The following SNX16 variants were observed in gnomAD, a reference collection of about 807,000 sequenced individuals.
The protein encoded by SNX16 is sorting nexin 16.
In SNX16, 35 loss-of-function variants were observed where a neutral mutation model predicts 36.7. That is an observed-to-expected ratio of 0.95 (90% CI 0.73 to 1.27). The LOEUF (loss-of-function observed/expected upper bound fraction) is 1.27. Ranked by LOEUF, SNX16 falls within the 50% of genes most tolerant of loss-of-function variation. SNX16 has a pLI of 0.00. For synonymous variants in SNX16, 134 were observed against 132.0 expected, an observed-to-expected ratio of 1.02 and a Z score of -0.10; for missense variants, 367 against 393.6, an observed-to-expected ratio of 0.93 and a Z score of 0.57.
In SNX16 at chr8:81,801,613, A is replaced by AG; in HGVS notation, c.939-21dup. 1 of 1,344,108 alleles carries AG rather than the reference A, an allele frequency of 7.4e-7. No homozygotes were observed. 83.3% of individuals were successfully genotyped at this position (1,344,108 alleles called of 1,614,324 possible). On this transcript the variant is annotated intron_variant, in intron 7 of 7. Transcript: ENST00000345957. The stretch of plus-strand genomic sequence containing the variant: ...TCAGCTCTGCAAAAAAAAAAAAAAA[A>AG]GGAACATATCAATGATGGGACTGGA...
At position 81,800,119 on chromosome 8, in the gene SNX16, C is replaced by T. The variant is rs1311760390; in HGVS notation, c.*1378G>A. 13 of 151,768 alleles carry T rather than the reference C, an allele frequency of 8.6e-5. No homozygotes were observed. In the South Asian group the frequency reaches 2.1e-3, roughly 24 times the overall value. 9.4% of individuals were successfully genotyped at this position (151,768 alleles called of 1,614,324 possible). A position where few individuals can be genotyped will look rare whatever the true frequency, so the allele number is the denominator to read the frequency against. ...GTCATTAGAATTTTAAACAGCCACACCTTAATATATATATACATCAAGATA... is the reference window on the plus strand; with the variant it reads ...GTCATTAGAATTTTAAACAGCCACATCTTAATATATATATACATCAAGATA... On this transcript the variant is annotated 3_prime_UTR_variant, in exon 8 of 8. Coordinates refer to ENST00000345957, the MANE Select transcript of SNX16 (RefSeq NM_152836.3).
In SNX16 at chr8:81,815,955, A is replaced by G. The variant is rs1450405088; in HGVS notation, c.612-561T>C. Among the ~76,000 whole-genome samples the G allele has an allele frequency of 3.3e-5, 5 of 152,310 alleles. No individual in the cohort carries two copies. In the South Asian group the frequency reaches 1.0e-3, roughly 32 times the overall value. On this transcript the variant is annotated intron_variant, in intron 4 of 7. Coordinates refer to ENST00000345957, the MANE Select transcript of SNX16 (RefSeq NM_152836.3). ...CCACAAATTTTAAAATAGTTATTAA[A>G]AAATGATATTGTTATGCTTATACTT... is the stretch of plus-strand genomic sequence containing the variant.
chr8:81,822,910 C>G (rs985687711), intron 4 of SNX16, among the ~76,000 whole-genome samples: 3 of 140,952 alleles, frequency 2.1e-5, no homozygotes, highest in Non-Finnish European at 4.5e-5. Flanking sequence ...GTGGCACACA[C>G]TGAAAAGCAA....
At chr8:81,826,802 T>C (rs1586009231) in intron 3 of SNX16, among the ~76,000 whole-genome samples, 1 of 152,214 alleles carries the variant, frequency 6.6e-6, no homozygotes, top group Non-Finnish European at 1.5e-5. Context: ...CAATTAGCTA[T>C]TTGTACTTCA....
intron 4 of SNX16, among the ~76,000 whole-genome samples, chr8:81,819,606 T>C (rs1385539105): frequency 6.6e-6 from 1 of 152,076 alleles, no homozygotes; most frequent in Non-Finnish European, 1.5e-5. Flanking sequence ...GGGTATGTCT[T>C]CTTTCTATTC....
At chr8:81,829,090 T>C (rs1811134072) in intron 3 of SNX16, among the ~76,000 whole-genome samples, 1 of 152,126 alleles carries the variant, frequency 6.6e-6, no homozygotes, top group Non-Finnish European at 1.5e-5. Flanking sequence ...GCAACAAAGT[T>C]TGTGGTAATT....
At chr8:81,806,483 T>G (rs886942482) in intron 5 of SNX16, among the ~76,000 whole-genome samples, 2 of 151,988 alleles carry the variant, frequency 1.3e-5, no homozygotes, top group Non-Finnish European at 2.9e-5. Context: ...CTTAGCAAAC[T>G]AGAAATAGAA....
chr8:81,808,897 G>A (rs184266136), intron 5 of SNX16, among the ~76,000 whole-genome samples: 132 of 152,128 alleles, frequency 8.7e-4, no homozygotes, highest in Non-Finnish European at 1.4e-3. Flanking sequence ...CAAAAAACTC[G>A]AGGACTGTAT....
intron 2 of SNX16, among the ~76,000 whole-genome samples, chr8:81,838,403 A>G (rs183567060): frequency 1.5e-4 from 23 of 152,248 alleles, no homozygotes; most frequent in African/African-American, 4.8e-4. Flanking sequence ...AAGACCTATT[A>G]TAAGACTTTA....
chr8:81,837,104 A>G (rs1811524672), intron 2 of SNX16, among the ~76,000 whole-genome samples: 1 of 152,090 alleles, frequency 6.6e-6, no homozygotes, highest in Non-Finnish European at 1.5e-5. Context: ...AGATTTGGGG[A>G]AACTCCCTGT....
chr8:81,808,153 T>C, intron 5 of SNX16: 1 of 1,275,530 alleles, frequency 7.8e-7, no homozygotes, highest in Non-Finnish European at 1.1e-6. Flanking sequence ...TTTTGAACAG[T>C]GTGGAAAAAT....
At chr8:81,811,534 G>C (rs1810250853) in intron 5 of SNX16, among the ~76,000 whole-genome samples, 1 of 152,038 alleles carries the variant, frequency 6.6e-6, no homozygotes, top group Non-Finnish European at 1.5e-5. Flanking sequence ...TGAACATTAA[G>C]CTATGCAGAA....
chr8:81,812,904 G>A (rs1810325767), intron 5 of SNX16, among the ~76,000 whole-genome samples: 1 of 151,962 alleles, frequency 6.6e-6, no homozygotes, highest in Non-Finnish European at 1.5e-5. Context: ...AGATATTGGA[G>A]CCAAGTTTAT....
chr8:81,828,289 G>A (rs1811099914), intron 3 of SNX16, among the ~76,000 whole-genome samples: 1 of 152,116 alleles, frequency 6.6e-6, no homozygotes, highest in Admixed American at 6.5e-5. Context: ...CCCCTAGGAA[G>A]ATTCATACTT....
intron 5 of SNX16, chr8:81,808,579 C>G: frequency 1.0e-6 from 1 of 987,062 alleles, no homozygotes; most frequent in Non-Finnish European, 1.6e-6. Context: ...AACAATCAGT[C>G]TTCAAATTTT....
At chr8:81,817,589 G>T (rs1278898602) in intron 4 of SNX16, among the ~76,000 whole-genome samples, 1 of 152,110 alleles carries the variant, frequency 6.6e-6, no homozygotes. Flanking sequence ...TTTGAAACTG[G>T]CTTTACAATG....
chr8:81,804,417 G>C (rs1013018591), intron 5 of SNX16, among the ~76,000 whole-genome samples: 7 of 151,824 alleles, frequency 4.6e-5, no homozygotes, highest in African/African-American at 1.7e-4. Context: ...ACTTTGAGGA[G>C]GGCTGTAAAC....
chr8:81,821,813 G>A (rs1388871016), intron 4 of SNX16, among the ~76,000 whole-genome samples: 1 of 152,036 alleles, frequency 6.6e-6, no homozygotes, highest in Non-Finnish European at 1.5e-5. Context: ...CATTAGATTG[G>A]ATGGTGAATA....
Position 81,822,046 on chromosome 8 carries a change from T to C in SNX16, c.611+1746A>G, listed in dbSNP as rs190938652. ...ACATAGCTAGTATCATCTTAGAATA[T>C]AGGAAATAAGTTAATTCATTACCTG... On this transcript the variant is annotated intron_variant, in intron 4 of 7. Transcript: ENST00000345957. Among the ~76,000 whole-genome samples the C allele has an allele frequency of 4.8e-3, 737 of 152,168 alleles. 2 individuals carry two copies. The highest frequency in any genetic ancestry group is 0.027 in the Middle Eastern group (8 of 294).
Sources: gnomAD v4.1 joint callset for allele counts (sites outside exome capture counted in the v4.1 genomes callset) on GRCh38, gnomAD v4.1.1 for gene constraint, MANE v1.5 for transcripts, NCBI Gene and HGNC (gene_info 2026-07-23, HGNC 2026-07-21) for gene names.